Variants in PPFIA2 observed in about 807,000 individuals in gnomAD.
PPFIA2 encodes PPFI scaffold protein A2, also known as liprin-alpha-2.
A neutral mutation model predicts 175.5 loss-of-function variants in PPFIA2; 46 were observed. The ratio of observed to expected loss-of-function variants is 0.26; its 90% CI spans 0.21 to 0.34. The LOEUF (loss-of-function observed/expected upper bound fraction) is 0.34, where lower values mean the gene tolerates loss of function less well. Ranked by LOEUF, PPFIA2 falls within the 10% of genes least tolerant of loss-of-function variation. The pLI is 1.00. For synonymous variants in PPFIA2, 568 were observed against 511.4 expected (o/e 1.11, Z -1.49); for missense variants, 1,179 against 1,506.1 (o/e 0.78, Z 3.60).
At chr12:81,322,951 G>T (rs2053992124) in intron 22 of PPFIA2, among the ~76,000 whole-genome samples, 1 of 152,142 alleles carries the variant, frequency 6.6e-6, no homozygotes, top group Admixed American at 6.6e-5. Flanking sequence ...AACAAATCTT[G>T]TAAGTTGTTG....
intron 4 of PPFIA2, among the ~76,000 whole-genome samples, chr12:81,471,859 T>C (rs541687668): frequency 5.3e-4 from 81 of 152,270 alleles, no homozygotes; most frequent in African/African-American, 1.8e-3. Flanking sequence ...AGGTACTAGG[T>C]GACATAAGGA....
intron 20 of PPFIA2, 83 bp from the exon 21 acceptor site, chr12:81,339,417 G>A: frequency 9.3e-7 from 1 of 1,071,346 alleles, no homozygotes; most frequent in Non-Finnish European, 1.2e-6. Context: ...CACCAAAGGA[G>A]GAACAAGCAG....
chr12:81,577,964 G>A (rs1044361472), intron 4 of PPFIA2, among the ~76,000 whole-genome samples: 6 of 151,684 alleles, frequency 4.0e-5, no homozygotes, highest in Non-Finnish European at 8.8e-5. Flanking sequence ...TCAGCCAGTG[G>A]TCAGCTTGAG....
chr12:81,623,955 T>A (rs2062373973), intron 4 of PPFIA2, among the ~76,000 whole-genome samples: 1 of 151,840 alleles, frequency 6.6e-6, no homozygotes, highest in Admixed American at 6.6e-5. Flanking sequence ...ATGCCAACAA[T>A]CCTTTATAGT....
intron 4 of PPFIA2, among the ~76,000 whole-genome samples, chr12:81,548,678 A>T (rs547934354): frequency 2.8e-4 from 43 of 152,046 alleles, no homozygotes; most frequent in Non-Finnish European, 5.3e-4. Context: ...TCCATAAATG[A>T]ATTTTCAAAA....
At position 81,263,135 on chromosome 12, in the gene PPFIA2, C is replaced by G. The variant is rs1161900693; in HGVS notation, c.3715+96G>C. 2.0e-5 allele frequency: 26 copies of G among 1,274,676 alleles called. No homozygotes were observed. In the South Asian group the frequency reaches 3.7e-4, roughly 18 times the overall value. The allele number at this position is 1,274,676 out of a possible 1,614,324, so 79.0% of individuals were successfully genotyped here. A position where few individuals can be genotyped will look rare whatever the true frequency, so the allele number is the denominator to read the frequency against. On this transcript the variant is annotated intron_variant, in intron 31 of 32. Coordinates refer to ENST00000549396, the MANE Select transcript of PPFIA2 (RefSeq NM_003625.5). ...AAATTTCAAGCAGAGCAAACCAACT[C>G]AAGAAAATAATTCCAAAAAGCAAGG...
intron 4 of PPFIA2, among the ~76,000 whole-genome samples, chr12:81,557,185 T>A (rs2069030030): frequency 7.3e-6 from 1 of 137,812 alleles, no homozygotes; most frequent in Admixed American, 7.2e-5. Context: ...CAGATATAGA[T>A]CTTATATCTA....
chr12:81,624,509 A>T (rs556150272), intron 4 of PPFIA2, among the ~76,000 whole-genome samples: 1 of 146,802 alleles, frequency 6.8e-6, no homozygotes, highest in Non-Finnish European at 1.5e-5. Flanking sequence ...ATATATTATT[A>T]TATGTATAAT....
intron 3 of PPFIA2, among the ~76,000 whole-genome samples, chr12:81,729,817 A>T (rs886530708): frequency 1.3e-5 from 2 of 151,470 alleles, no homozygotes; most frequent in African/African-American, 2.4e-5. Context: ...AGATGGGGAA[A>T]AATTAGGATG....
At chr12:81,751,924 T>C (rs2083877073) in intron 3 of PPFIA2, among the ~76,000 whole-genome samples, 1 of 152,170 alleles carries the variant, frequency 6.6e-6, no homozygotes, top group African/African-American at 2.4e-5. Flanking sequence ...ACCTTTTTTT[T>C]ACAGAAGAGG....
At chr12:81,334,363 T>C (rs1413464035) in intron 21 of PPFIA2, among the ~76,000 whole-genome samples, 1 of 152,182 alleles carries the variant, frequency 6.6e-6, no homozygotes, top group Non-Finnish European at 1.5e-5. Context: ...GATAGCCATG[T>C]CTTAGTCATT....
chr12:81,313,824 T>C (rs899262350), intron 22 of PPFIA2, among the ~76,000 whole-genome samples: 3 of 152,036 alleles, frequency 2.0e-5, no homozygotes, highest in Admixed American at 2.0e-4. Context: ...ATAAAACAAG[T>C]TGATTAAATT....
In PPFIA2 at chr12:81,405,856, T is replaced by C; in HGVS notation, c.693A>G (p.Ala231=). 1.3e-6 allele frequency: 2 copies of C among 1,580,256 alleles called. No homozygotes were observed. Among genetic ancestry groups the C allele is most frequent in the Non-Finnish European group, 8.6e-7 (1 of 1,161,024 alleles). ...EQNVHIQRKM[A]SSEGSTESEH... ...CTGACTCTGTGGATCCCTCGCTTGA[T>C]GCCATTTTTCTTTGTATATGAACAT... The change falls in exon 8 of 33, where the codon GCA becomes GCG. Residue 231 remains alanine (A), a synonymous_variant. Transcript: ENST00000549396.
chr12:81,418,817 A>T (rs896873985), intron 7 of PPFIA2, among the ~76,000 whole-genome samples: 4 of 151,958 alleles, frequency 2.6e-5, no homozygotes, highest in Non-Finnish European at 1.5e-5. Flanking sequence ...ACAAAGAAAA[A>T]ATTACCCCTG....
intron 24 of PPFIA2, among the ~76,000 whole-genome samples, chr12:81,285,201 T>C (rs2043026835): frequency 6.6e-6 from 1 of 152,152 alleles, no homozygotes; most frequent in African/African-American, 2.4e-5. Context: ...ATTGAAGGTA[T>C]TGGCCCCTGG....
intron 8 of PPFIA2, among the ~76,000 whole-genome samples, chr12:81,402,104 A>G (rs2142773673): frequency 6.6e-6 from 1 of 152,270 alleles, no homozygotes; most frequent in East Asian, 1.9e-4. Context: ...TCTTTGGGCT[A>G]ATCACCCACC....
intron 4 of PPFIA2, among the ~76,000 whole-genome samples, chr12:81,599,703 C>T (rs1567520949): frequency 6.6e-6 from 1 of 151,890 alleles, no homozygotes; most frequent in Admixed American, 6.6e-5. Context: ...CATTAATGTG[C>T]TCTTTGTATT....
chr12:81,379,789 A>C (rs1267004384), intron 9 of PPFIA2, among the ~76,000 whole-genome samples: 1 of 152,226 alleles, frequency 6.6e-6, no homozygotes, highest in Non-Finnish European at 1.5e-5. Context: ...AAGAAAAATT[A>C]CAAAAGTATA....
chr12:81,374,520 TAGAGA>T, intron 11 of PPFIA2, 109 bp downstream of exon 11: 2 of 1,259,058 alleles, frequency 1.6e-6, no homozygotes, highest in Admixed American at 2.7e-5. Flanking sequence ...CTCAATATAA[TAGAGA>T]TTAAACTTAA....
Sources: gnomAD v4.1 joint callset for allele counts (sites outside exome capture counted in the v4.1 genomes callset) on GRCh38, gnomAD v4.1.1 for gene constraint, MANE v1.5 for transcripts, NCBI Gene and HGNC (gene_info 2026-07-23, HGNC 2026-07-21) for gene names.